Variants in TOM1L2 observed in about 807,000 individuals in gnomAD.
TOM1L2 encodes the protein target of myb1 like 2 membrane trafficking protein.
Under a neutral mutation model 67.9 loss-of-function variants are expected in TOM1L2, and 31 were observed. That is an observed-to-expected ratio of 0.46 (90% CI 0.34 to 0.62). The LOEUF is 0.62. Ranked by LOEUF, TOM1L2 falls within the 20% of genes least tolerant of loss-of-function variation. TOM1L2 has a pLI of 0.01. For synonymous variants in TOM1L2, 256 were observed against 254.0 expected (o/e 1.01, Z -0.07); for missense variants, 606 against 663.5 (o/e 0.91, Z 0.95).
intron 1 of TOM1L2, among the ~76,000 whole-genome samples, chr17:17,969,513 C>T (rs1029298257): frequency 3.4e-5 from 5 of 148,848 alleles, no homozygotes; most frequent in East Asian, 4.1e-4. Context: ...CACAACAGTA[C>T]GGAATATACA....
chr17:17,948,941 C>A (rs1416965643), intron 1 of TOM1L2, among the ~76,000 whole-genome samples: 1 of 152,044 alleles, frequency 6.6e-6, no homozygotes, highest in African/African-American at 2.4e-5. Flanking sequence ...CAGGGCTGCT[C>A]AGAGTAAGTA....
At chr17:17,847,823 G>A in intron 14 of TOM1L2, 40 bp from the exon 15 acceptor site, 1 of 1,612,870 alleles carries the variant, frequency 6.2e-7, no homozygotes, top group African/African-American at 1.3e-5. Context: ...GTTGGTGAGG[G>A]CAGGCCACCA....
At chr17:17,883,337 A>C (rs946686708) in intron 5 of TOM1L2, among the ~76,000 whole-genome samples, 1 of 152,270 alleles carries the variant, frequency 6.6e-6, no homozygotes, top group African/African-American at 2.4e-5. Context: ...AGGAACAACA[A>C]CACTGCTCTC....
At chr17:17,935,658 G>A (rs1486753510) in intron 1 of TOM1L2, among the ~76,000 whole-genome samples, 2 of 152,040 alleles carry the variant, frequency 1.3e-5, no homozygotes, top group Admixed American at 1.3e-4. Flanking sequence ...GTCTCTATGG[G>A]ATCCAATGCA....
chr17:17,920,301 T>C (rs1470781854), intron 1 of TOM1L2, among the ~76,000 whole-genome samples: 1 of 151,998 alleles, frequency 6.6e-6, no homozygotes, highest in Non-Finnish European at 1.5e-5. Flanking sequence ...AGAGTTCTCA[T>C]TTGCTCTTCT....
intron 1 of TOM1L2, among the ~76,000 whole-genome samples, chr17:17,914,414 T>C (rs2144532678): frequency 6.6e-6 from 1 of 152,312 alleles, no homozygotes; most frequent in East Asian, 1.9e-4. Context: ...CTGCCCTCCC[T>C]TGGGGGGCTC....
In TOM1L2 at chr17:17,923,172, C is replaced by T. The variant is rs537932259; in HGVS notation, c.53-15641G>A. Among the ~76,000 whole-genome samples the T allele has an allele frequency of 1.1e-4, 17 of 151,904 alleles. No individual in the cohort carries two copies. The East Asian group carries it at 3.3e-3, about 30-fold the overall frequency. Reference sequence around the variant, plus strand: ...CAGCACTTTGGAAGGCCAAGGCAGGCGGATCGCCTGAGATCAAGAGTTCAA... The same window carrying T: ...CAGCACTTTGGAAGGCCAAGGCAGGTGGATCGCCTGAGATCAAGAGTTCAA... On this transcript the variant is annotated intron_variant, in intron 1 of 14. Transcript: ENST00000379504.
chr17:17,923,413 ACAAAACAACAAC>A (rs2039958794), intron 1 of TOM1L2, among the ~76,000 whole-genome samples: 2 of 152,094 alleles, frequency 1.3e-5, no homozygotes, highest in Non-Finnish European at 2.9e-5. Flanking sequence ...AACAACAACA[ACAAAACAACAAC>A]AACAACAACA....
At chr17:17,889,466 C>T (rs1207833411) in intron 4 of TOM1L2, among the ~76,000 whole-genome samples, 1 of 152,146 alleles carries the variant, frequency 6.6e-6, no homozygotes, top group Non-Finnish European at 1.5e-5. Flanking sequence ...AGCCCAACCT[C>T]CCCCTTCCCC....
At chr17:17,960,270 C>T (rs1335800181) in intron 1 of TOM1L2, among the ~76,000 whole-genome samples, 1 of 152,230 alleles carries the variant, frequency 6.6e-6, no homozygotes, top group Admixed American at 6.5e-5. Context: ...GCTCTGCTGC[C>T]CACAGACCTG....
chr17:17,971,336 CA>C, intron 1 of TOM1L2, among the ~76,000 whole-genome samples: 1 of 152,278 alleles, frequency 6.6e-6, no homozygotes, highest in South Asian at 2.1e-4. Flanking sequence ...GAGTCACTGA[CA>C]AAACCACTGC....
rs1181032662 is a variant in TOM1L2 at position 17,850,877 on chromosome 17, A to G, written c.1338+16T>C. On this transcript the variant is annotated intron_variant, in intron 13 of 14. Coordinates refer to ENST00000379504, the MANE Select transcript of TOM1L2 (RefSeq NM_001082968.2). ...GCTCCACACCCCACAGATGAAATAG[A>G]AAAGTCGAGTCTCACCAGGTCGGTC... 2.5e-5 allele frequency: 40 copies of G among 1,613,834 alleles called. No homozygotes were observed. Among genetic ancestry groups the G allele is most frequent in the Non-Finnish European group, 3.4e-5 (40 of 1,179,920 alleles).
At chr17:17,970,444 TA>T (rs2042025281) in intron 1 of TOM1L2, among the ~76,000 whole-genome samples, 1 of 151,862 alleles carries the variant, frequency 6.6e-6, no homozygotes, top group African/African-American at 2.4e-5. Context: ...CTTCCTATTA[TA>T]AAGGGGACAG....
At chr17:17,917,326 C>A (rs1285555296) in intron 1 of TOM1L2, among the ~76,000 whole-genome samples, 1 of 151,496 alleles carries the variant, frequency 6.6e-6, no homozygotes, top group African/African-American at 2.4e-5. Context: ...AGAGCAAGAC[C>A]CCATCTCAAA....
At chr17:17,910,708 TA>T (rs1195945110) in intron 1 of TOM1L2, among the ~76,000 whole-genome samples, 1 of 152,100 alleles carries the variant, frequency 6.6e-6, no homozygotes, top group Non-Finnish European at 1.5e-5. Flanking sequence ...TAGCTGGGAT[TA>T]CAGGCACGTG....
At chr17:17,929,337 G>A (rs973196034) in intron 1 of TOM1L2, among the ~76,000 whole-genome samples, 3 of 152,200 alleles carry the variant, frequency 2.0e-5, no homozygotes, top group African/African-American at 7.2e-5. Context: ...GGTTGATAGG[G>A]ATATTCAAGA....
rs750130496 is a variant in TOM1L2 at position 17,893,720 on chromosome 17, T to A, written c.307A>T (p.Ile103Leu). 1 of 1,614,036 alleles carries A rather than the reference T, an allele frequency of 6.2e-7. No homozygotes were observed. The highest frequency in any genetic ancestry group is 8.5e-7 in the Non-Finnish European group (1 of 1,180,030). Residue 103 changes from isoleucine (I) to leucine (L), a missense_variant, in exon 4 of 15, where the codon ATA (isoleucine) becomes TTA (leucine). Physicochemically the swap from Ile to Leu is conservative, Grantham distance 5 (BLOSUM62 2). Transcript: ENST00000379504. The stretch of plus-strand genomic sequence containing the variant: ...GTGGGAGGGTTGTTCTTGGGAGATA[T>A]AATTTTGACCAGAACACTGTCGATG... ...DFIDSVLVKI[I>L]SPKNNPPTIV...
chr17:17,859,812 G>T (rs73299869), intron 12 of TOM1L2: 9,021 of 152,318 alleles, frequency 0.059, 766 homozygotes, highest in African/African-American at 0.19. Flanking sequence ...ACCTGGGAGA[G>T]GAAAGCTGCA....
chr17:17,901,399 A>G (rs1278110208), intron 2 of TOM1L2, among the ~76,000 whole-genome samples: 1 of 152,186 alleles, frequency 6.6e-6, no homozygotes, highest in Non-Finnish European at 1.5e-5. Flanking sequence ...GGGAAAGGTC[A>G]GGCTCCTCAG....
Sources: allele counts gnomAD v4.1 joint callset (sites outside exome capture counted in the v4.1 genomes callset), GRCh38; gene constraint gnomAD v4.1.1; transcripts MANE v1.5; gene names NCBI Gene and HGNC (gene_info 2026-07-23, HGNC 2026-07-21).